The following CADPS variants were observed in gnomAD, a reference collection of about 807,000 sequenced individuals.
The protein encoded by CADPS is calcium dependent secretion activator, also known as calcium-dependent secretion activator 1.
A neutral mutation model predicts 167.3 loss-of-function variants in CADPS; 57 were observed. The observed-to-expected ratio is 0.34, with a 90% confidence interval of 0.28 to 0.42. CADPS has a LOEUF of 0.42. Among genes scored for constraint, CADPS ranks in the 20% least tolerant of loss-of-function variants. The pLI, the probability that CADPS is intolerant of heterozygous loss-of-function variation, is 1.00. For synonymous variants in CADPS, 676 were observed against 635.3 expected, an observed-to-expected ratio of 1.06 and a Z score of -0.96; for missense variants, 1,414 against 1,738.1, an observed-to-expected ratio of 0.81 and a Z score of 3.32.
intron 24 of CADPS, among the ~76,000 whole-genome samples, chr3:62,468,538 A>T (rs957604414): frequency 1.2e-4 from 18 of 152,180 alleles, no homozygotes; most frequent in African/African-American, 4.3e-4. Flanking sequence ...TCTTTCTCCC[A>T]AGAGAAACAA....
At chr3:62,539,623 T>A (rs114611055) in intron 11 of CADPS, among the ~76,000 whole-genome samples, 4,109 of 152,162 alleles carry the variant, frequency 0.027, 71 homozygotes, top group Middle Eastern at 0.082. Context: ...GGTTTCGGTA[T>A]TTTTTGTTTG....
chr3:62,765,768 T>C (rs950405633), intron 2 of CADPS, 103 bp downstream of exon 2: 3 of 636,810 alleles, frequency 4.7e-6, no homozygotes, highest in Non-Finnish European at 8.4e-6. Context: ...GGAAGGATGA[T>C]ACTGTAGTAA....
At chr3:62,546,746 A>G (rs2076515443) in intron 11 of CADPS, among the ~76,000 whole-genome samples, 2 of 152,186 alleles carry the variant, frequency 1.3e-5, no homozygotes, top group Admixed American at 6.5e-5. Context: ...CATTATATCC[A>G]GTATTATAAG....
At chr3:62,755,837 C>T (rs931813223) in intron 2 of CADPS, among the ~76,000 whole-genome samples, 1 of 152,078 alleles carries the variant, frequency 6.6e-6, no homozygotes, top group African/African-American at 2.4e-5. Context: ...CATCTGCAAA[C>T]CTGTAACACT....
intron 10 of CADPS, chr3:62,550,902 G>T (rs1034920138): frequency 2.2e-6 from 1 of 456,540 alleles, no homozygotes; most frequent in African/African-American, 2.0e-5. Context: ...TTAGCTTTCA[G>T]GAGGAAACCC....
At chr3:62,541,827 T>C (rs1313606106) in intron 11 of CADPS, among the ~76,000 whole-genome samples, 1 of 152,192 alleles carries the variant, frequency 6.6e-6, no homozygotes, top group East Asian at 1.9e-4. Flanking sequence ...AACCATATAC[T>C]ATTTTTCATG....
chr3:62,634,456 T>C (rs10510880), intron 6 of CADPS, among the ~76,000 whole-genome samples: 45,482 of 152,096 alleles, frequency 0.3, 7,488 homozygotes, highest in Non-Finnish European at 0.36. Context: ...GAAGATTTTT[T>C]ACTCCATCGT....
intron 2 of CADPS, among the ~76,000 whole-genome samples, chr3:62,756,286 C>T (rs542164950): frequency 1.3e-5 from 2 of 152,258 alleles, no homozygotes; most frequent in African/African-American, 4.8e-5. Flanking sequence ...AGGCTGGTCT[C>T]CAATTCCTGA....
chr3:62,671,023 T>C (rs951885492), intron 3 of CADPS, among the ~76,000 whole-genome samples: 2 of 152,188 alleles, frequency 1.3e-5, no homozygotes, highest in Non-Finnish European at 2.9e-5. Flanking sequence ...TTCACATCCT[T>C]GCTCTGCCAC....
chr3:62,710,790 T>A (rs771416268), intron 3 of CADPS, among the ~76,000 whole-genome samples: 1 of 152,182 alleles, frequency 6.6e-6, no homozygotes, highest in Non-Finnish European at 1.5e-5. Flanking sequence ...GAATAGGAAA[T>A]AGTAAGATTA....
chr3:62,694,096 A>G (rs1395328640), intron 3 of CADPS, among the ~76,000 whole-genome samples: 3 of 152,090 alleles, frequency 2.0e-5, no homozygotes. Context: ...GATAGAAGCT[A>G]CACATGGGCT....
chr3:62,564,740 A>G (rs575260922), intron 9 of CADPS, among the ~76,000 whole-genome samples: 1 of 151,650 alleles, frequency 6.6e-6, no homozygotes, highest in East Asian at 2.0e-4. Context: ...CTGAGCAGCT[A>G]GGACTACAGG....
At chr3:62,592,882 C>T (rs555288315) in intron 6 of CADPS, 134 bp from the exon 7 acceptor site, 76 of 552,680 alleles carry the variant, frequency 1.4e-4, no homozygotes, top group African/African-American at 1.4e-3. Flanking sequence ...TTCTCCTCCC[C>T]TTCAAAGCTG....
intron 7 of CADPS, among the ~76,000 whole-genome samples, chr3:62,586,593 A>C (rs1345791592): frequency 2.6e-5 from 4 of 152,132 alleles, no homozygotes. Flanking sequence ...CTTTTTCTTC[A>C]TTAAGTTCCC....
In CADPS at chr3:62,438,709, G is replaced by A. The variant is rs1433357565; in HGVS notation, c.3670-498C>T. 1 of 140,624 alleles carries A rather than the reference G, an allele frequency of 7.1e-6. No individual in the cohort carries two copies. The highest frequency in any genetic ancestry group is 1.5e-5 in the Non-Finnish European group (1 of 68,550). The allele number at this position is 140,624 out of a possible 1,614,324, so 8.7% of individuals were successfully genotyped here. A position where few individuals can be genotyped will look rare whatever the true frequency, so the allele number is the denominator to read the frequency against. ...TCAATCTATACCTCTTCCTACCCAA[G>A]TCTCATTGTGTGTGTGTGTGTGTGT... On this transcript the variant is annotated intron_variant, in intron 27 of 29. Transcript: ENST00000383710. This position sits in a 1 kb window ranked among gnomAD's most constrained non-coding sequence, Gnocchi z 4.7.
chr3:62,572,844 T>C (rs929153642), intron 8 of CADPS, among the ~76,000 whole-genome samples: 3 of 152,162 alleles, frequency 2.0e-5, no homozygotes, highest in Non-Finnish European at 4.4e-5. Flanking sequence ...TAAAGTGGTG[T>C]AGTATTTGCA....
At chr3:62,683,433 GAA>G (rs1243673788) in intron 3 of CADPS, among the ~76,000 whole-genome samples, 1 of 152,006 alleles carries the variant, frequency 6.6e-6, no homozygotes, top group Non-Finnish European at 1.5e-5. Context: ...AATTCTGTAA[GAA>G]AGGTTCTTTT....
At chr3:62,406,507 C>T (rs1708553354) in intron 28 of CADPS, among the ~76,000 whole-genome samples, 1 of 152,158 alleles carries the variant, frequency 6.6e-6, no homozygotes, top group Admixed American at 6.5e-5. Flanking sequence ...AACACCTGGG[C>T]ACTAACTTTT....
chr3:62,461,867 G>A (rs1342111326), intron 26 of CADPS, among the ~76,000 whole-genome samples: 1 of 152,126 alleles, frequency 6.6e-6, no homozygotes, highest in Non-Finnish European at 1.5e-5. Context: ...CTCCCAAAAG[G>A]GCCGAGAACA....
Sources: allele counts gnomAD v4.1 joint callset (sites outside exome capture counted in the v4.1 genomes callset), GRCh38; gene constraint gnomAD v4.1.1; non-coding constraint Gnocchi (gnomAD v3.1); transcripts MANE v1.5; gene names NCBI Gene and HGNC (gene_info 2026-07-23, HGNC 2026-07-21).